The following MYOM1 variants were observed in gnomAD, a reference collection of about 807,000 sequenced individuals.
MYOM1 encodes the protein myomesin-1.
A neutral mutation model predicts 205.3 loss-of-function variants in MYOM1; 164 were observed. The ratio of observed to expected loss-of-function variants is 0.80; its 90% confidence interval spans 0.70 to 0.91. The LOEUF (loss-of-function observed/expected upper bound fraction) is 0.91, where lower values mean the gene tolerates loss of function less well. MYOM1 is among the 40% of genes least tolerant of loss of function. The pLI is 0.00. For missense variants in MYOM1, 2,011 were observed against 2,127.3 expected (o/e 0.95, Z 1.08); for synonymous variants, 772 against 789.4 (o/e 0.98, Z 0.37).
chr18:3,126,013 A>G (rs776154023), intron 19 of MYOM1, among the ~76,000 whole-genome samples: 12 of 152,096 alleles, frequency 7.9e-5, no homozygotes, highest in Non-Finnish European at 1.6e-4. Context: ...TCATGCCTAT[A>G]ATCCCAGCAC....
chr18:3,075,751 C>T lies in MYOM1; in HGVS notation c.4659G>A (p.Glu1553=), dbSNP rs1483837564. 1.9e-6 allele frequency: 3 copies of T among 1,593,730 alleles called. No individual in the cohort carries two copies. Among genetic ancestry groups the T allele is most frequent in the Admixed American group, 3.5e-5 (2 of 57,332 alleles). ...TVDLSGQAYD[E]AYAEFQRLKQ... is the part of the protein sequence containing the mutation. ...TCAACCTCTGGAATTCAGCATAGGC[C>T]TCATCGTATGCTTTAAAAGAAAAAA... The change falls in exon 35 of 38, where the codon GAG becomes GAA. Residue 1553 remains glutamate, a synonymous_variant. Coordinates refer to ENST00000356443, the MANE Select transcript of MYOM1 (RefSeq NM_003803.4).
chr18:3,239,711 GGT>G, the MYOM1 span, among the ~76,000 whole-genome samples: 8 of 142,610 alleles, frequency 5.6e-5, no homozygotes, highest in African/African-American at 2.1e-4. Context: ...GAGCCATGAT[GGT>G]ACCACTGCAG....
At chr18:3,166,055 C>T (rs1165438905) in intron 9 of MYOM1, among the ~76,000 whole-genome samples, 1 of 152,126 alleles carries the variant, frequency 6.6e-6, no homozygotes, top group Non-Finnish European at 1.5e-5. Flanking sequence ...GTATTTCCTC[C>T]GATCATGTGC....
At chr18:3,134,565 T>C in intron 16 of MYOM1, 85 bp downstream of exon 16, 1 of 1,397,596 alleles carries the variant, frequency 7.2e-7, no homozygotes, top group Non-Finnish European at 9.5e-7. Context: ...TTTAAAAAAA[T>C]CTCCTCCATT....
chr18:3,216,088 C>T (rs1214376084), intron 1 of MYOM1, among the ~76,000 whole-genome samples: 1 of 151,960 alleles, frequency 6.6e-6, no homozygotes, highest in African/African-American at 2.4e-5. Context: ...GCCAACATGG[C>T]GAAACCCCAT....
chr18:3,159,874 TTTCCTTCCTTCCTTCC>T (rs141381327), intron 10 of MYOM1, among the ~76,000 whole-genome samples: 5,526 of 107,642 alleles, frequency 0.051, 239 homozygotes, highest in African/African-American at 0.11. Flanking sequence ...TTTTCTTTCT[TTTCCTTCCTTCCTTCC>T]TTCCTTCCTT....
rs1459022349 is a variant in MYOM1, at chr18:3,209,668, T to C, written c.290+5266A>G. 6.6e-6 allele frequency among the ~76,000 whole-genome samples: 1 copy of C among 152,174 alleles called. No individual in the cohort carries two copies. Among genetic ancestry groups the C allele is most frequent in the Admixed American group, 6.5e-5 (1 of 15,280 alleles). ...TGGAAGGCCTGGCAGTGGCTGTCCC[T>C]GATGCCTGGTGCACCTTTACCCAGA... On this transcript the variant is annotated intron_variant, in intron 2 of 37. Coordinates refer to ENST00000356443, the MANE Select transcript of MYOM1 (RefSeq NM_003803.4). This position sits in a 1 kb window ranked among gnomAD's most constrained non-coding sequence, Gnocchi z 4.0.
intron 14 of MYOM1, among the ~76,000 whole-genome samples, chr18:3,138,120 A>G (rs1260852406): frequency 6.6e-6 from 1 of 152,260 alleles, no homozygotes; most frequent in African/African-American, 2.4e-5. Context: ...TAGAAGATAC[A>G]GTAACAAAAC....
intron 13 of MYOM1, 91 bp from the exon 14 acceptor site, chr18:3,142,154 GA>G (rs1211442773): frequency 1.4e-5 from 20 of 1,449,328 alleles, no homozygotes; most frequent in Admixed American, 2.1e-5. Context: ...TCCTGAGGAA[GA>G]GTTAATTATG....
chr18:3,177,743 G>A (rs1411463186), intron 5 of MYOM1, among the ~76,000 whole-genome samples: 2 of 152,138 alleles, frequency 1.3e-5, no homozygotes, highest in African/African-American at 2.4e-5. Context: ...AAAGTGCTGG[G>A]ATTACAGGTG....
chr18:3,177,479 ATTATTATTT>A (rs200269718), intron 5 of MYOM1, among the ~76,000 whole-genome samples: 2,220 of 146,132 alleles, frequency 0.015, 34 homozygotes, highest in African/African-American at 0.04. Context: ...TATTATTATT[ATTATTATTT>A]GAGACAGAGT....
Position 3,112,348 on chromosome 18 carries a change from A to G in MYOM1, c.3368T>C (p.Val1123Ala), listed in dbSNP as rs753689470. The change falls in exon 22 of 38, where the codon GTT becomes GCT. Residue 1123 changes from valine to alanine, a missense_variant. Transcript: ENST00000356443. ...FRVRAINQAG[V>A]GKPSDLAGPV... ...GCCAGCAAGGTCAGATGGCTTCCCA[A>G]CTCCCGCCTGGTTTATGGCTCGAAC... 3.1e-5 allele frequency: 50 copies of G among 1,612,208 alleles called. No individual in the cohort carries two copies. Among genetic ancestry groups the G allele is most frequent in the Non-Finnish European group, 4.2e-5 (50 of 1,178,772 alleles).
At chr18:3,198,041 T>C (rs903897036) in intron 2 of MYOM1, among the ~76,000 whole-genome samples, 3 of 151,742 alleles carry the variant, frequency 2.0e-5, no homozygotes, top group African/African-American at 7.3e-5. Context: ...ATTGAAGTTA[T>C]GAAATCATCA....
chr18:3,186,005 G>C (rs1305004527), intron 5 of MYOM1, among the ~76,000 whole-genome samples: 1 of 152,134 alleles, frequency 6.6e-6, no homozygotes, highest in Admixed American at 6.5e-5. Context: ...AGACCAGCCT[G>C]GCCAACACGG....
intron 18 of MYOM1, among the ~76,000 whole-genome samples, chr18:3,127,301 ATATATTT>A (rs1567920776): frequency 4.2e-5 from 2 of 47,910 alleles, no homozygotes; most frequent in African/African-American, 2.1e-4. Flanking sequence ...ATATATATAT[ATATATTT>A]TTTTTTTTTT....
chr18:3,235,460 C>CT, the MYOM1 span, among the ~76,000 whole-genome samples: 1 of 152,196 alleles, frequency 6.6e-6, no homozygotes, highest in Non-Finnish European at 1.5e-5. Flanking sequence ...AAAATGTATG[C>CT]ATGGCATCCC....
Position 3,131,443 on chromosome 18 carries a change from G to A in MYOM1, c.2438C>T (p.Ala813Val). ...TTCACTAAGTCCAGCTGCATTGACT[G>A]CTCTGACCCGGAAAATATAACTCTG... Reference protein sequence around the residue: ...TGQSYIFRVRAVNAAGLSEYS... With the variant: ...TGQSYIFRVRVVNAAGLSEYS... The change falls in exon 17 of 38, where the codon GCA becomes GTA. Residue 813 changes from alanine to valine, a missense_variant. Physicochemically the swap from Ala to Val is moderately conservative, Grantham distance 64. Transcript: ENST00000356443. 6.2e-7 allele frequency: 1 copy of A among 1,613,798 alleles called. No homozygotes were observed. Among genetic ancestry groups the A allele is most frequent in the East Asian group, 2.2e-5 (1 of 44,858 alleles).
chr18:3,143,733 T>A (rs999665943), intron 13 of MYOM1, among the ~76,000 whole-genome samples: 1 of 151,582 alleles, frequency 6.6e-6, no homozygotes, highest in Non-Finnish European at 1.5e-5. Context: ...AAAACCCATC[T>A]CTACAAAAAA....
At chr18:3,151,010 C>CT (rs2080212986) in intron 12 of MYOM1, among the ~76,000 whole-genome samples, 3 of 45,618 alleles carry the variant, frequency 6.6e-5, no homozygotes, top group Non-Finnish European at 9.2e-5. Context: ...TCATTTTTTT[C>CT]ATTTTTTTTT....
Sources: gnomAD v4.1 joint callset for allele counts (sites outside exome capture counted in the v4.1 genomes callset) on GRCh38, gnomAD v4.1.1 for gene constraint, Gnocchi (gnomAD v3.1) non-coding constraint, MANE v1.5 for transcripts, NCBI Gene and HGNC (gene_info 2026-07-23, HGNC 2026-07-21) for gene names.